PCDHGB5: variants seen among roughly 807,000 people sequenced by gnomAD.
PCDHGB5 encodes protocadherin gamma subfamily B, 5.
In PCDHGB5, 48 loss-of-function variants were observed where a neutral mutation model predicts 62.9. The ratio of observed to expected loss-of-function variants is 0.76; its 90% CI spans 0.61 to 0.97. The LOEUF is 0.97. Ranked by LOEUF, PCDHGB5 falls within the 50% of genes least tolerant of loss-of-function variation. PCDHGB5 has a pLI of 0.00. For synonymous variants in PCDHGB5, 474 were observed against 511.2 expected (o/e 0.93, Z 0.98); for missense variants, 1,118 against 1,198.6 (o/e 0.93, Z 0.99).
rs560733170 is a variant in PCDHGB5, at chr5:141,503,895, A to G, written c.2457-1498A>G. ...TTGTGCTCACCCACCATGACAAAATATGCACACACACAACGCAACACACAC... is the reference window on the plus strand; with the variant it reads ...TTGTGCTCACCCACCATGACAAAATGTGCACACACACAACGCAACACACAC... On this transcript the variant is annotated intron_variant, in intron 2 of 3. Transcript: ENST00000617380. Among the ~76,000 whole-genome samples, 12 of 152,302 alleles carry G rather than the reference A, an allele frequency of 7.9e-5. No individual in the cohort carries two copies. The South Asian group carries it at 2.1e-3, about 26-fold the overall frequency.
chr5:141,487,798 G>A lies in PCDHGB5; in HGVS notation c.2398-7009G>A, dbSNP rs1197016007. 6.7e-7 allele frequency: 1 copy of A among 1,498,792 alleles called. No homozygotes were observed. Among genetic ancestry groups the A allele is most frequent in the South Asian group, 1.3e-5 (1 of 78,368 alleles). 92.8% of individuals were successfully genotyped at this position (1,498,792 alleles called of 1,614,324 possible). On this transcript the variant is annotated intron_variant, in intron 1 of 3. Coordinates refer to ENST00000617380, the MANE Select transcript of PCDHGB5 (RefSeq NM_018925.3). The surrounding 1 kb of genome is among the most constrained non-coding windows in gnomAD (Gnocchi z 5.0). ...ACTGTTTCGTGAATTAACCAGAGTT[G>A]TCACAGTTTAGCATTGGGGGCGGGT...
At chr5:141,439,796 G>C (rs980000701) in intron 1 of PCDHGB5, 4 of 152,318 alleles carry the variant, frequency 2.6e-5, no homozygotes, top group African/African-American at 9.6e-5. Flanking sequence ...AATCCAAGAA[G>C]AGTTTGAAAA....
intron 1 of PCDHGB5, chr5:141,433,359 CT>C: frequency 8.7e-6 from 2 of 228,708 alleles, no homozygotes; most frequent in Non-Finnish European, 1.6e-5. Context: ...TACTGTCTGC[CT>C]ATCTATCTAT....
rs1387677265 is a variant in PCDHGB5 at position 141,486,434 on chromosome 5, T to C, written c.2398-8373T>C. 3 of 1,614,150 alleles carry C rather than the reference T, an allele frequency of 1.9e-6. No homozygotes were observed. The highest frequency in any genetic ancestry group is 2.5e-6 in the Non-Finnish European group (3 of 1,179,986). The stretch of plus-strand genomic sequence containing the variant: ...CTTGGATCGAGAGGCCAAATCTAGC[T>C]ATGACATCATGGTCACTGCTTCTGA... On this transcript the variant is annotated intron_variant, in intron 1 of 3. Coordinates refer to ENST00000617380, the MANE Select transcript of PCDHGB5 (RefSeq NM_018925.3). This position sits in a 1 kb window ranked among gnomAD's most constrained non-coding sequence, Gnocchi z 5.0.
At position 141,490,543 on chromosome 5, in the gene PCDHGB5, C is replaced by T; in HGVS notation, c.2398-4264C>T. 2 of 1,614,188 alleles carry T rather than the reference C, an allele frequency of 1.2e-6. No homozygotes were observed. Among genetic ancestry groups the T allele is most frequent in the Non-Finnish European group, 8.5e-7 (1 of 1,180,024 alleles). On this transcript the variant is annotated intron_variant, in intron 1 of 3. Transcript: ENST00000617380. The surrounding 1 kb of genome is among the most constrained non-coding windows in gnomAD (Gnocchi z 5.4). ...CAGCGATGCTGGTTCACCTTCCCTA[C>T]ACAAACATCTCACCATCAGGCTCAA...
intron 3 of PCDHGB5, 46 bp from the exon 4 acceptor site, chr5:141,510,901 A>G: frequency 1.9e-6 from 3 of 1,613,412 alleles, no homozygotes; most frequent in African/African-American, 2.7e-5. Flanking sequence ...GTGACTGTTG[A>G]GGACCCTAAG....
chr5:141,429,729 A>G (rs1362403236), intron 1 of PCDHGB5, among the ~76,000 whole-genome samples: 1 of 152,240 alleles, frequency 6.6e-6, no homozygotes, highest in African/African-American at 2.4e-5. Flanking sequence ...GAAAGTACGT[A>G]GCCAGTTATT....
intron 3 of PCDHGB5, 69 bp from the exon 4 acceptor site, chr5:141,510,878 G>A (rs896348248): frequency 6.2e-7 from 1 of 1,610,438 alleles, no homozygotes; most frequent in African/African-American, 1.3e-5. Context: ...TTAACTGCTG[G>A]GGATATAAGA....
Position 141,432,617 on chromosome 5 carries a change from G to T in PCDHGB5, c.2397+32093G>T, listed in dbSNP as rs2097521313. The T allele has an allele frequency of 6.2e-7, 1 of 1,613,578 alleles. No homozygotes were observed. The highest frequency in any genetic ancestry group is 1.3e-5 in the African/African-American group (1 of 74,842). On this transcript the variant is annotated intron_variant, in intron 1 of 3. Coordinates refer to ENST00000617380, the MANE Select transcript of PCDHGB5 (RefSeq NM_018925.3). This position sits in a 1 kb window ranked among gnomAD's most constrained non-coding sequence, Gnocchi z 6.0. ...CAGCGAGCCGGGACTCTTCTCGGTGGGTCTGCACACGGGCGAGGTGCGCAC... is the reference window on the plus strand; with the variant it reads ...CAGCGAGCCGGGACTCTTCTCGGTGTGTCTGCACACGGGCGAGGTGCGCAC...
At chr5:141,415,552 G>A in intron 1 of PCDHGB5, 1 of 1,614,098 alleles carries the variant, frequency 6.2e-7, no homozygotes, top group Admixed American at 1.7e-5. Context: ...TGAGAAAAAC[G>A]ATCCTTTGTC....
intron 1 of PCDHGB5, among the ~76,000 whole-genome samples, chr5:141,406,933 T>C (rs1034700573): frequency 6.6e-6 from 1 of 152,218 alleles, no homozygotes; most frequent in African/African-American, 2.4e-5. Flanking sequence ...ATGTATTATT[T>C]AATGTTATTT....
At chr5:141,444,115 AG>A (rs1206374963) in intron 1 of PCDHGB5, among the ~76,000 whole-genome samples, 3 of 147,326 alleles carry the variant, frequency 2.0e-5, no homozygotes, top group Admixed American at 2.0e-4. Context: ...AGAAAAGTGA[AG>A]TATCTCAACA....
chr5:141,431,397 C>A lies in PCDHGB5; in HGVS notation c.2397+30873C>A. ...AAGGCTGCTCACCACCTGGTCCTTA[C>A]GGCCTCCGACGGGGGCGACCCGGTG... On this transcript the variant is annotated intron_variant, in intron 1 of 3. Coordinates refer to ENST00000617380, the MANE Select transcript of PCDHGB5 (RefSeq NM_018925.3). The surrounding 1 kb of genome is among the most constrained non-coding windows in gnomAD (Gnocchi z 4.8). 3.1e-6 allele frequency: 5 copies of A among 1,613,782 alleles called. No individual in the cohort carries two copies. Among genetic ancestry groups the A allele is most frequent in the Non-Finnish European group, 4.2e-6 (5 of 1,180,034 alleles).
Position 141,486,862 on chromosome 5 carries a change from A to G in PCDHGB5, c.2398-7945A>G. The G allele has an allele frequency of 6.2e-7, 1 of 1,614,256 alleles. No individual in the cohort carries two copies. The highest frequency in any genetic ancestry group is 1.3e-5 in the African/African-American group (1 of 75,078). On this transcript the variant is annotated intron_variant, in intron 1 of 3. Transcript: ENST00000617380. This position sits in a 1 kb window ranked among gnomAD's most constrained non-coding sequence, Gnocchi z 5.0. Reference sequence around the variant, plus strand: ...TGCTGGACCTCAATGACAATGCTCCAGCTGTGCTCCGTCCTCGGGCCCGGC... The same window carrying G: ...TGCTGGACCTCAATGACAATGCTCCGGCTGTGCTCCGTCCTCGGGCCCGGC...
intron 1 of PCDHGB5, among the ~76,000 whole-genome samples, chr5:141,406,468 T>C (rs2094813433): frequency 6.6e-6 from 1 of 152,230 alleles, no homozygotes; most frequent in Admixed American, 6.5e-5. Flanking sequence ...AACACCTCTT[T>C]GAGGTTATAT....
chr5:141,490,363 C>A lies in PCDHGB5; in HGVS notation c.2398-4444C>A. The A allele has an allele frequency of 6.2e-7, 1 of 1,614,154 alleles. No individual in the cohort carries two copies. Among genetic ancestry groups the A allele is most frequent in the South Asian group, 1.1e-5 (1 of 91,078 alleles). On this transcript the variant is annotated intron_variant, in intron 1 of 3. Coordinates refer to ENST00000617380, the MANE Select transcript of PCDHGB5 (RefSeq NM_018925.3). The surrounding 1 kb of genome is among the most constrained non-coding windows in gnomAD (Gnocchi z 5.4). Reference sequence around the variant, plus strand: ...CACAGTAGTGGGGTTGTTTAATGTGCGAGACCGGGACTCAGGTAGAAATGG... The same window carrying A: ...CACAGTAGTGGGGTTGTTTAATGTGAGAGACCGGGACTCAGGTAGAAATGG...
chr5:141,472,308 G>A (rs897967832), intron 1 of PCDHGB5, among the ~76,000 whole-genome samples: 6 of 152,074 alleles, frequency 3.9e-5, no homozygotes, highest in South Asian at 4.1e-4. Context: ...TTGGGAAGCC[G>A]AGGCAGGCAG....
At chr5:141,509,094 T>C (rs1038935185) in intron 3 of PCDHGB5, among the ~76,000 whole-genome samples, 4 of 152,152 alleles carry the variant, frequency 2.6e-5, no homozygotes, top group African/African-American at 9.7e-5. Context: ...AAATGGGGGC[T>C]GTAGAAACCT....
intron 1 of PCDHGB5, chr5:141,433,178 A>G: frequency 6.2e-7 from 1 of 1,608,316 alleles, no homozygotes. Context: ...TCATGGGTTA[A>G]TTGAGGTGAG....
Sources: allele counts gnomAD v4.1 joint callset (sites outside exome capture counted in the v4.1 genomes callset), GRCh38; gene constraint gnomAD v4.1.1; non-coding constraint Gnocchi (gnomAD v3.1); transcripts MANE v1.5; gene names NCBI Gene and HGNC (gene_info 2026-07-23, HGNC 2026-07-21).